The following DACH1 variants were observed in gnomAD, a reference collection of about 807,000 sequenced individuals.
DACH1 encodes the protein dachshund homolog 1.
Under a neutral mutation model 54.2 loss-of-function variants are expected in DACH1, and 12 were observed. The observed-to-expected ratio is 0.22, with a 90% CI of 0.14 to 0.36. The LOEUF (loss-of-function observed/expected upper bound fraction) is 0.36, where lower values mean the gene tolerates loss of function less well. Among genes scored for constraint, DACH1 ranks in the 10% least tolerant of loss-of-function variants. The pLI is 1.00. For missense variants in DACH1, 805 were observed against 929.8 expected (o/e 0.87, Z 1.75); for synonymous variants, 386 against 366.2 (o/e 1.05, Z -0.62).
intron 9 of DACH1, among the ~76,000 whole-genome samples, 195 bp from the exon 10 acceptor site, chr13:71,475,404 T>C (rs1877427891): frequency 6.6e-6 from 1 of 152,166 alleles, no homozygotes; most frequent in Non-Finnish European, 1.5e-5. Context: ...ACATTGTTCA[T>C]AAAAGAGGAT....
chr13:71,557,693 A>G (rs1308643317), intron 5 of DACH1, among the ~76,000 whole-genome samples: 1 of 152,068 alleles, frequency 6.6e-6, no homozygotes, highest in Non-Finnish European at 1.5e-5. Context: ...GGTACTGTAG[A>G]AATGTGTGTT....
chr13:71,507,645 C>T (rs868746815), intron 6 of DACH1, among the ~76,000 whole-genome samples: 6 of 152,086 alleles, frequency 3.9e-5, no homozygotes, highest in Non-Finnish European at 4.4e-5. Context: ...GGAACTGTCA[C>T]GGCAAGTGAG....
intron 1 of DACH1, among the ~76,000 whole-genome samples, chr13:71,815,712 A>G (rs1887889304): frequency 6.6e-6 from 1 of 152,234 alleles, no homozygotes; most frequent in Non-Finnish European, 1.5e-5. Flanking sequence ...CAGGTATAAT[A>G]CTGAATGCTC....
intron 1 of DACH1, among the ~76,000 whole-genome samples, chr13:71,800,950 A>G (rs1008741694): frequency 3.9e-5 from 6 of 152,144 alleles, no homozygotes; most frequent in African/African-American, 1.4e-4. Context: ...TTAGTCTTAA[A>G]TGGAAGGAAA....
chr13:71,713,571 C>T (rs1334585352), intron 1 of DACH1, among the ~76,000 whole-genome samples: 5 of 152,070 alleles, frequency 3.3e-5, no homozygotes, highest in Non-Finnish European at 7.4e-5. Flanking sequence ...ATTAAATTCT[C>T]ATGGTGATCT....
At chr13:71,636,551 A>T (rs1421729033) in intron 2 of DACH1, among the ~76,000 whole-genome samples, 2 of 112,774 alleles carry the variant, frequency 1.8e-5, no homozygotes, top group African/African-American at 1.2e-4. Flanking sequence ...CAAAGTAAAA[A>T]TAATAATAAT....
intron 10 of DACH1, among the ~76,000 whole-genome samples, chr13:71,444,779 C>G (rs536064478): frequency 1.3e-5 from 2 of 152,206 alleles, no homozygotes; most frequent in South Asian, 4.1e-4. Flanking sequence ...AAAGTGGTAC[C>G]TAAGCTGGTG....
At chr13:71,762,823 C>T (rs1594191031) in intron 1 of DACH1, among the ~76,000 whole-genome samples, 3 of 149,384 alleles carry the variant, frequency 2.0e-5, no homozygotes, top group East Asian at 3.9e-4. Context: ...GATACACTAC[C>T]TTCAAAATTT....
chr13:71,775,160 A>ATTTT (rs1566492465), intron 1 of DACH1, among the ~76,000 whole-genome samples: 2 of 57,712 alleles, frequency 3.5e-5, no homozygotes, highest in African/African-American at 1.5e-4. Context: ...TTTTTTTTTA[A>ATTTT]ATTAGCTAGG....
intron 1 of DACH1, among the ~76,000 whole-genome samples, chr13:71,837,307 G>GA (rs1236964343): frequency 4.0e-5 from 6 of 151,760 alleles, no homozygotes; most frequent in African/African-American, 1.5e-4. Context: ...AATGACTGTT[G>GA]GATTCACCAA....
chr13:71,657,002 G>GTA (rs541587239), intron 2 of DACH1, among the ~76,000 whole-genome samples: 1,775 of 132,272 alleles, frequency 0.013, 30 homozygotes, highest in Middle Eastern at 0.03. Context: ...ACAGGTATGT[G>GTA]TATATATATA....
At chr13:71,618,412 C>T (rs1340113179) in intron 3 of DACH1, among the ~76,000 whole-genome samples, 1 of 151,994 alleles carries the variant, frequency 6.6e-6, no homozygotes, top group Non-Finnish European at 1.5e-5. Context: ...TTTCTGAGCT[C>T]ACTTTTCCAG....
chr13:71,540,020 T>C (rs911746544), intron 6 of DACH1, among the ~76,000 whole-genome samples: 1 of 152,044 alleles, frequency 6.6e-6, no homozygotes, highest in African/African-American at 2.4e-5. Flanking sequence ...GATCTATCAT[T>C]GGCATGAGAT....
intron 1 of DACH1, among the ~76,000 whole-genome samples, chr13:71,848,694 AT>A (rs1050714408): frequency 2.0e-5 from 3 of 151,826 alleles, no homozygotes; most frequent in African/African-American, 4.8e-5. Flanking sequence ...ATTAAAAAAA[AT>A]TTTTTTGTAC....
At chr13:71,520,567 T>C (rs1881522500) in intron 6 of DACH1, among the ~76,000 whole-genome samples, 1 of 151,102 alleles carries the variant, frequency 6.6e-6, no homozygotes, top group African/African-American at 2.4e-5. Context: ...GACAAATTAT[T>C]GATTACAATC....
intron 10 of DACH1, among the ~76,000 whole-genome samples, chr13:71,446,514 C>T (rs775006944): frequency 6.6e-6 from 1 of 152,116 alleles, no homozygotes; most frequent in African/African-American, 2.4e-5. Flanking sequence ...ACAAATAAGG[C>T]TATTAAGGCA....
intron 3 of DACH1, among the ~76,000 whole-genome samples, chr13:71,619,860 T>A (rs1593996851): frequency 6.6e-6 from 1 of 151,900 alleles, no homozygotes; most frequent in Non-Finnish European, 1.5e-5. Context: ...TAGGAAATTG[T>A]ATAATATTTA....
intron 2 of DACH1, among the ~76,000 whole-genome samples, chr13:71,676,034 T>C (rs1880545508): frequency 6.6e-6 from 1 of 152,204 alleles, no homozygotes; most frequent in Non-Finnish European, 1.5e-5. Flanking sequence ...AGTGTTTAAA[T>C]AGTAAATATG....
intron 6 of DACH1, among the ~76,000 whole-genome samples, chr13:71,534,157 T>C (rs895316564): frequency 1.3e-5 from 2 of 152,018 alleles, no homozygotes; most frequent in African/African-American, 4.8e-5. Flanking sequence ...CAGGGGAAAA[T>C]GAACAACTGA....
Sources: gnomAD v4.1 joint callset for allele counts (sites outside exome capture counted in the v4.1 genomes callset) on GRCh38, gnomAD v4.1.1 for gene constraint, MANE v1.5 for transcripts, NCBI Gene and HGNC (gene_info 2026-07-23, HGNC 2026-07-21) for gene names.